The following CPSF2 variants were observed in gnomAD, a reference collection of about 807,000 sequenced individuals.
CPSF2 encodes the protein cleavage and polyadenylation specific factor 2, also known as cleavage and polyadenylation specificity factor subunit 2.
A neutral mutation model predicts 84.2 loss-of-function variants in CPSF2; 51 were observed. That is an observed-to-expected ratio of 0.61 (90% CI 0.48 to 0.77). The LOEUF (loss-of-function observed/expected upper bound fraction) is 0.77. Ranked by LOEUF, CPSF2 falls within the 30% of genes least tolerant of loss-of-function variation. The probability of loss-of-function intolerance (pLI) is 0.00; values close to 1 mark genes in which losing one functional copy is unlikely to be tolerated. For synonymous variants in CPSF2, 286 were observed against 311.9 expected (o/e 0.92, Z 0.87); for missense variants, 641 against 929.4 (o/e 0.69, Z 4.03).
chr14:92,154,141 T>C (rs1238060580), intron 9 of CPSF2: 2 of 358,344 alleles, frequency 5.6e-6, no homozygotes, highest in East Asian at 9.3e-5. Context: ...TTGATTTAAA[T>C]TAAACCCATT....
rs1269811529 is a variant in CPSF2, at chr14:92,157,865, G to A, written c.1802G>A (p.Ser601Asn). 1.9e-6 allele frequency: 3 copies of A among 1,613,330 alleles called. No homozygotes were observed. Reference protein sequence around the residue: ...PKLHETVDATSETHIYQVRLK... With the variant: ...PKLHETVDATNETHIYQVRLK... ...CTACATGAAACAGTTGATGCCACTA[G>A]TGAAACTCACATCTACCAGGTAAAC... Residue 601 changes from serine to asparagine, a missense_variant, in exon 13 of 16, where the codon AGT (serine) becomes AAT (asparagine). Around this residue, in one of 2 missense-constraint regions of CPSF2, gnomAD observed 430 missense variants for 553.6 expected, o/e 0.78. Transcript: ENST00000298875. The surrounding 1 kb of genome is among the most constrained non-coding windows in gnomAD (Gnocchi z 4.0).
At chr14:92,127,764 TAGAG>T (rs1009718083) in intron 2 of CPSF2, among the ~76,000 whole-genome samples, 1 of 152,170 alleles carries the variant, frequency 6.6e-6, no homozygotes, top group African/African-American at 2.4e-5. Context: ...ACGGCACACA[TAGAG>T]GGATTGGCCT....
chr14:92,161,569 TC>T, intron 15 of CPSF2, 82 bp from the exon 16 acceptor site: 1 of 922,570 alleles, frequency 1.1e-6, no homozygotes, highest in Non-Finnish European at 1.6e-6. Context: ...CATAAAGTAA[TC>T]TATTTCATAT....
chr14:92,167,940 A>G lies in CPSF2; in HGVS notation c.*6196A>G, dbSNP rs1036513352. On this transcript the variant is annotated 3_prime_UTR_variant, in exon 16 of 16. Transcript: ENST00000298875. ...TAACCATAGAATGAATGTAGAATGAATTTGGATTCAATAATGGGAACTAAG... is the reference window on the plus strand; with the variant it reads ...TAACCATAGAATGAATGTAGAATGAGTTTGGATTCAATAATGGGAACTAAG... The G allele has an allele frequency of 6.8e-6, 1 of 148,144 alleles. No individual in the cohort carries two copies. Among genetic ancestry groups the G allele is most frequent in the Non-Finnish European group, 1.5e-5 (1 of 67,534 alleles). 9.2% of individuals were successfully genotyped at this position (148,144 alleles called of 1,614,324 possible).
chr14:92,134,454 G>C (rs2295726), intron 5 of CPSF2, 99 bp downstream of exon 5: 223 of 768,006 alleles, frequency 2.9e-4, no homozygotes, highest in African/African-American at 2.5e-3. Context: ...GGCATTATAG[G>C]CTGAAGAATA....
chr14:92,143,623 T>C (rs760809053), intron 9 of CPSF2, among the ~76,000 whole-genome samples: 1 of 152,118 alleles, frequency 6.6e-6, no homozygotes, highest in Non-Finnish European at 1.5e-5. Flanking sequence ...CATTCTTCTT[T>C]GAGATGGGGT....
chr14:92,137,915 A>T (rs2069021115), intron 6 of CPSF2, among the ~76,000 whole-genome samples: 1 of 152,200 alleles, frequency 6.6e-6, no homozygotes, highest in Non-Finnish European at 1.5e-5. Context: ...ACATATGTAT[A>T]TCAGTACTTA....
intron 8 of CPSF2, 96 bp from the exon 9 acceptor site, chr14:92,142,908 G>T (rs1007356446): frequency 5.6e-6 from 6 of 1,070,976 alleles, no homozygotes; most frequent in Non-Finnish European, 8.1e-6. Flanking sequence ...AACCAGTGGG[G>T]GTAAAAGATA....
Position 92,157,640 on chromosome 14 carries a change from T to A in CPSF2, c.1596-19T>A. On this transcript the variant is annotated intron_variant, in intron 12 of 15. Transcript: ENST00000298875. The surrounding 1 kb of genome is among the most constrained non-coding windows in gnomAD (Gnocchi z 4.0). ...GAATTATGAGAAAAGTAATCTTGAA[T>A]AATCATATCTAATTACAGAGCCCGG... The A allele has an allele frequency of 6.4e-7, 1 of 1,567,626 alleles. No homozygotes were observed. Among genetic ancestry groups the A allele is most frequent in the Non-Finnish European group, 8.8e-7 (1 of 1,141,986 alleles).
chr14:92,155,648 G>T (rs919746343), intron 11 of CPSF2, among the ~76,000 whole-genome samples: 2 of 152,130 alleles, frequency 1.3e-5, no homozygotes, highest in Non-Finnish European at 2.9e-5. Flanking sequence ...GAACTTTGGG[G>T]CTGTGTGTGG....
intron 7 of CPSF2, among the ~76,000 whole-genome samples, chr14:92,141,150 CAACT>C (rs941903093): frequency 9.9e-5 from 15 of 151,514 alleles, no homozygotes; most frequent in Non-Finnish European, 2.2e-4. Context: ...TCTGAGGATT[CAACT>C]AACTGTGGAT....
In CPSF2 at chr14:92,143,183, T is replaced by G. The variant is rs1281788861; in HGVS notation, c.1029T>G (p.Ile343Met). 2 of 1,614,116 alleles carry G rather than the reference T, an allele frequency of 1.2e-6. No homozygotes were observed. Among genetic ancestry groups the G allele is most frequent in the Non-Finnish European group, 8.5e-7 (1 of 1,180,006 alleles). The change falls in exon 9 of 16, where the codon ATT (isoleucine) becomes ATG (methionine). Residue 343 changes from isoleucine (I) to methionine (M), a missense_variant. Physicochemically the swap from Ile to Met is conservative, Grantham distance 10 (BLOSUM62 1). Transcript: ENST00000298875. ...GCGGATTTTCAAGGGATCTCTTTAT[T>G]CAGTGGTGTCAGGACCCTAAAAACT... ...LECGFSRDLFIQWCQDPKNSI... is the reference protein window; with the variant it reads ...LECGFSRDLFMQWCQDPKNSI...
At chr14:92,144,154 C>A (rs2069115592) in intron 9 of CPSF2, among the ~76,000 whole-genome samples, 1 of 152,190 alleles carries the variant, frequency 6.6e-6, no homozygotes, top group Non-Finnish European at 1.5e-5. Context: ...ATTTAATGAT[C>A]TCTTGGTCAT....
rs756321372 is a variant in CPSF2, at chr14:92,161,759, A to G, written c.*15A>G. ...CCATTGTATAAAGGACATGATGTCA[A>G]GAAGTATCTGCTTGACCTTTCTAAG... On this transcript the variant is annotated 3_prime_UTR_variant, in exon 16 of 16. Coordinates refer to ENST00000298875, the MANE Select transcript of CPSF2 (RefSeq NM_017437.3). 2.1e-6 allele frequency: 3 copies of G among 1,404,908 alleles called. No individual in the cohort carries two copies. In the South Asian group the frequency reaches 3.9e-5, roughly 18 times the overall value. 87.0% of individuals were successfully genotyped at this position (1,404,908 alleles called of 1,614,324 possible). A position where few individuals can be genotyped will look rare whatever the true frequency, so the allele number is the denominator to read the frequency against.
chr14:92,146,131 G>A (rs772776211), intron 9 of CPSF2, among the ~76,000 whole-genome samples: 10 of 152,150 alleles, frequency 6.6e-5, no homozygotes, highest in Non-Finnish European at 1.3e-4. Flanking sequence ...TACAAAAATT[G>A]AATGCACCTG....
rs1244070733 is a variant in CPSF2 at position 92,156,603 on chromosome 14, A to G, written c.1567A>G (p.Ile523Val). The G allele has an allele frequency of 1.9e-6, 3 of 1,604,774 alleles. No homozygotes were observed. Among genetic ancestry groups the G allele is most frequent in the African/African-American group, 2.7e-5 (2 of 74,660 alleles). Residue 523 changes from isoleucine (I) to valine (V), a missense_variant, in exon 12 of 16, where the codon ATT becomes GTT. By Grantham distance (29) the Ile-to-Val change is conservative. Around this residue, in one of 2 missense-constraint regions of CPSF2, gnomAD observed 430 missense variants for 553.6 expected, o/e 0.78. Coordinates refer to ENST00000298875, the MANE Select transcript of CPSF2 (RefSeq NM_017437.3). Reference sequence around the variant, plus strand: ...TTTATCTGATGTTCCTACTAAATGTATTTCTACAACAGAGTCTATTGAAAT... The same window carrying G: ...TTTATCTGATGTTCCTACTAAATGTGTTTCTACAACAGAGTCTATTGAAAT... ...QDLSDVPTKC[I>V]STTESIEIKA...
chr14:92,140,221 G>A (rs1045326882), intron 7 of CPSF2, among the ~76,000 whole-genome samples: 1 of 151,800 alleles, frequency 6.6e-6, no homozygotes, highest in African/African-American at 2.4e-5. Flanking sequence ...CAAAGTGCTG[G>A]GATTACAGGC....
rs148689676 is a variant in CPSF2 at position 92,160,663 on chromosome 14, A to G, written c.2122-449A>G. ...ACTTTCGTTACTGATTGTAGAACCT[A>G]TGGCATCCATTACATTTGCTCTGAG... On this transcript the variant is annotated intron_variant, in intron 14 of 15. Transcript: ENST00000298875. Among the ~76,000 whole-genome samples, 168 of 152,354 alleles carry G rather than the reference A, an allele frequency of 1.1e-3. 2 individuals are homozygous for G. The East Asian group carries it at 0.031, about 28-fold the overall frequency.
chr14:92,130,407 T>G (rs1371189590), intron 2 of CPSF2, among the ~76,000 whole-genome samples: 2 of 152,154 alleles, frequency 1.3e-5, no homozygotes, highest in African/African-American at 4.8e-5. Flanking sequence ...TGTAATACAG[T>G]GAAATCAGTG....
Sources: allele counts gnomAD v4.1 joint callset (sites outside exome capture counted in the v4.1 genomes callset), GRCh38; gene constraint gnomAD v4.1.1; regional missense constraint gnomAD v4.1.1; non-coding constraint Gnocchi (gnomAD v3.1); transcripts MANE v1.5; gene names NCBI Gene and HGNC (gene_info 2026-07-23, HGNC 2026-07-21).